MSH3: variants seen among roughly 807,000 people sequenced by gnomAD.
The protein encoded by MSH3 is mutS homolog 3, also known as DNA mismatch repair protein Msh3.
In MSH3, 106 loss-of-function variants were observed where a neutral mutation model predicts 123.3. That is an observed-to-expected ratio of 0.86 (90% CI 0.73 to 1.01). The LOEUF is 1.01. Among genes scored for constraint, MSH3 ranks in the 50% least tolerant of loss-of-function variants. The pLI is 0.00. For missense variants in MSH3, 1,459 were observed against 1,347.6 expected (o/e 1.08, Z -1.29); for synonymous variants, 515 against 481.4 (o/e 1.07, Z -0.91).
chr5:80,782,353 C>A, intron 17 of MSH3, among the ~76,000 whole-genome samples: 1 of 151,970 alleles, frequency 6.6e-6, no homozygotes, highest in East Asian at 1.9e-4. Flanking sequence ...CACATACAGG[C>A]TTTTTTTTTC....
intron 20 of MSH3, among the ~76,000 whole-genome samples, chr5:80,824,817 A>G (rs990843956): frequency 1.3e-5 from 2 of 152,160 alleles, no homozygotes; most frequent in South Asian, 4.1e-4. Flanking sequence ...CTATCAGTTT[A>G]TACAGATTAG....
Position 80,684,425 on chromosome 5 carries a change from A to T in MSH3, c.1340+5332A>T, listed in dbSNP as rs1363090560. On this transcript the variant is annotated intron_variant, in intron 8 of 23. Transcript: ENST00000265081. ...GGTTAACTCCTAGATATTTTATTTT[A>T]TTTGTAGCTATTGTAAATGGGATTA... Among the ~76,000 whole-genome samples, 4 of 152,050 alleles carry T rather than the reference A, an allele frequency of 2.6e-5. No individual in the cohort carries two copies. In the East Asian group the frequency reaches 7.7e-4, roughly 29 times the overall value.
chr5:80,733,828 G>A (rs550544435), intron 10 of MSH3, among the ~76,000 whole-genome samples: 2 of 152,054 alleles, frequency 1.3e-5, no homozygotes, highest in Non-Finnish European at 2.9e-5. Context: ...GGTGTTGGCT[G>A]GGATGCAGAC....
chr5:80,672,959 C>G (rs1331997637), intron 6 of MSH3, 101 bp downstream of exon 6: 6 of 903,344 alleles, frequency 6.6e-6, no homozygotes, highest in South Asian at 1.3e-5. Flanking sequence ...TCTTTGGGAA[C>G]TTTTTAGATG....
At chr5:80,851,038 C>T (rs772476786) in intron 20 of MSH3, among the ~76,000 whole-genome samples, 15 of 152,048 alleles carry the variant, frequency 9.9e-5, no homozygotes, top group South Asian at 2.1e-4. Flanking sequence ...AACCATTTTC[C>T]GATGCCAAAA....
intron 20 of MSH3, among the ~76,000 whole-genome samples, chr5:80,836,213 T>C (rs1249813910): frequency 1.3e-5 from 2 of 152,348 alleles, no homozygotes; most frequent in Non-Finnish European, 1.5e-5. Flanking sequence ...TTTTAAACTT[T>C]AATTTTGGAC....
At chr5:80,749,194 G>A (rs1356920975) in intron 12 of MSH3, among the ~76,000 whole-genome samples, 1 of 152,152 alleles carries the variant, frequency 6.6e-6, no homozygotes, top group Non-Finnish European at 1.5e-5. Flanking sequence ...TGCACGCTGA[G>A]GGGCAAGGAA....
chr5:80,739,049 C>G (rs1412371962), intron 10 of MSH3, among the ~76,000 whole-genome samples: 2 of 152,202 alleles, frequency 1.3e-5, no homozygotes, highest in Non-Finnish European at 2.9e-5. Flanking sequence ...TGTTTACAAA[C>G]TGCCCATTCT....
intron 8 of MSH3, among the ~76,000 whole-genome samples, chr5:80,682,741 C>A (rs1749999473): frequency 1.3e-5 from 2 of 152,186 alleles, no homozygotes; most frequent in African/African-American, 2.4e-5. Context: ...CAATTATACT[C>A]TTTTAGTTAT....
intron 20 of MSH3, among the ~76,000 whole-genome samples, chr5:80,814,129 G>GAAAAA (rs10708713): frequency 7.0e-6 from 1 of 142,708 alleles, no homozygotes; most frequent in Non-Finnish European, 1.5e-5. Flanking sequence ...CTGTCTCAAA[G>GAAAAA]AAAAAAAAAA....
chr5:80,702,027 C>T (rs568394997), intron 8 of MSH3, among the ~76,000 whole-genome samples: 3 of 151,980 alleles, frequency 2.0e-5, no homozygotes, highest in Non-Finnish European at 4.4e-5. Context: ...ACAAAAAAAA[C>T]CCAAAAACCC....
chr5:80,654,701 C>T lies in MSH3; in HGVS notation c.-27C>T. ...GGCTCGCGCTCCTCGCCAGGCCCTG[C>T]CGCCGGGCTGCCATCCTTGCCCTGC... On this transcript the variant is annotated 5_prime_UTR_variant, in exon 1 of 24. Coordinates refer to ENST00000265081, the MANE Select transcript of MSH3 (RefSeq NM_002439.5). 1 of 1,576,522 alleles carries T rather than the reference C, an allele frequency of 6.3e-7. No homozygotes were observed. The highest frequency in any genetic ancestry group is 8.6e-7 in the Non-Finnish European group (1 of 1,163,798).
At chr5:80,663,905 A>G (rs1325836854) in intron 2 of MSH3, among the ~76,000 whole-genome samples, 1 of 152,122 alleles carries the variant, frequency 6.6e-6, no homozygotes, top group Non-Finnish European at 1.5e-5. Context: ...ACAAAACACA[A>G]CTCTTGCCCT....
chr5:80,727,322 A>G (rs1455301617), intron 9 of MSH3, among the ~76,000 whole-genome samples: 1 of 152,228 alleles, frequency 6.6e-6, no homozygotes, highest in African/African-American at 2.4e-5. Context: ...TGTTGTTAGC[A>G]CTTCATTTAC....
rs1650650 is a variant in MSH3, at chr5:80,669,956, G to T, written c.580-141G>T. 0.27 allele frequency: 198,770 copies of T among 746,286 alleles called. 28,372 individuals carry two copies. Among genetic ancestry groups the T allele is most frequent in the Middle Eastern group, 0.4 (1,059 of 2,676 alleles). The allele number at this position is 746,286 out of a possible 1,614,324, so 46.2% of individuals were successfully genotyped here. A position where few individuals can be genotyped will look rare whatever the true frequency, so the allele number is the denominator to read the frequency against. Reference sequence around the variant, plus strand: ...ATTTGTAACCTATGGATAGTTTGCCGGAATGCTACAATGTGCTTCTATAAA... The same window carrying T: ...ATTTGTAACCTATGGATAGTTTGCCTGAATGCTACAATGTGCTTCTATAAA... On this transcript the variant is annotated intron_variant, in intron 3 of 23. Transcript: ENST00000265081.
At chr5:80,864,783 A>C in intron 21 of MSH3, 30 bp from the exon 22 acceptor site, 1 of 1,576,534 alleles carries the variant, frequency 6.3e-7, no homozygotes. Context: ...TTAAAAATGA[A>C]ATAACATTTA....
chr5:80,819,344 G>A (rs1302010106), intron 20 of MSH3, among the ~76,000 whole-genome samples: 1 of 132,210 alleles, frequency 7.6e-6, no homozygotes, highest in Non-Finnish European at 1.6e-5. Context: ...GTGTGTGTGT[G>A]TATATATATG....
chr5:80,850,719 A>T (rs990002274), intron 20 of MSH3, among the ~76,000 whole-genome samples: 3 of 152,208 alleles, frequency 2.0e-5, no homozygotes, highest in African/African-American at 7.2e-5. Flanking sequence ...ACAAGAAAAG[A>T]TGTGGCTGGG....
chr5:80,702,636 C>A (rs1750636188), intron 8 of MSH3, among the ~76,000 whole-genome samples: 1 of 151,912 alleles, frequency 6.6e-6, no homozygotes, highest in Non-Finnish European at 1.5e-5. Flanking sequence ...AGACAGGTAA[C>A]ACTTAACTAG....
Sources: gnomAD v4.1 joint callset for allele counts (sites outside exome capture counted in the v4.1 genomes callset) on GRCh38, gnomAD v4.1.1 for gene constraint, MANE v1.5 for transcripts, NCBI Gene and HGNC (gene_info 2026-07-23, HGNC 2026-07-21) for gene names.